Variants in ZNF385C observed in about 807,000 individuals in gnomAD.
The protein encoded by ZNF385C is CTD-2132N18.2.
Under a neutral mutation model 35.4 loss-of-function variants are expected in ZNF385C, and 28 were observed. The observed-to-expected ratio is 0.79, with a 90% CI of 0.59 to 1.08. The LOEUF (loss-of-function observed/expected upper bound fraction) is 1.08, where lower values mean the gene tolerates loss of function less well. ZNF385C is among the 50% of genes least tolerant of loss of function. The pLI is 0.00. For synonymous variants in ZNF385C, 248 were observed against 248.2 expected (o/e 1.00, Z 0.01); for missense variants, 605 against 595.6 (o/e 1.02, Z -0.16).
intron 1 of ZNF385C, among the ~76,000 whole-genome samples, chr17:42,077,337 G>T (rs894405998): frequency 6.6e-6 from 1 of 152,136 alleles, no homozygotes; most frequent in Non-Finnish European, 1.5e-5. Context: ...TATAATATGT[G>T]CCCAACTAAT....
At chr17:42,051,423 G>A (rs990916429) in intron 2 of ZNF385C, among the ~76,000 whole-genome samples, 2 of 152,128 alleles carry the variant, frequency 1.3e-5, no homozygotes, top group Non-Finnish European at 2.9e-5. Flanking sequence ...ATGTGCAGAC[G>A]TGGAGGTGTG....
At chr17:42,037,068 G>A (rs2052871563) in intron 3 of ZNF385C, among the ~76,000 whole-genome samples, 1 of 151,962 alleles carries the variant, frequency 6.6e-6, no homozygotes, top group East Asian at 1.9e-4. Flanking sequence ...AGAAGCTTCA[G>A]GCAGTTACAA....
chr17:42,069,991 G>A (rs2053601291), intron 1 of ZNF385C, among the ~76,000 whole-genome samples: 1 of 152,166 alleles, frequency 6.6e-6, no homozygotes, highest in African/African-American at 2.4e-5. Flanking sequence ...GCAATGAGCC[G>A]AGATTGCACC....
At chr17:42,033,004 A>C (rs1162719202) in intron 4 of ZNF385C, among the ~76,000 whole-genome samples, 1 of 151,916 alleles carries the variant, frequency 6.6e-6, no homozygotes, top group Non-Finnish European at 1.5e-5. Context: ...GATTACAGGC[A>C]TGAGCCACCA....
chr17:42,074,329 T>C (rs1356278436), intron 1 of ZNF385C, among the ~76,000 whole-genome samples: 6 of 152,236 alleles, frequency 3.9e-5, no homozygotes, highest in African/African-American at 1.4e-4. Flanking sequence ...CCACATTAAA[T>C]TGTACATTTT....
At chr17:42,040,280 G>C (rs1255938520) in intron 2 of ZNF385C, 1 of 1,231,530 alleles carries the variant, frequency 8.1e-7, no homozygotes, top group Non-Finnish European at 1.0e-6. Flanking sequence ...TCCAAGCCCC[G>C]GACCGCAGCC....
At position 42,037,878 on chromosome 17, in the gene ZNF385C, C is replaced by T. The variant is rs782262691; in HGVS notation, c.258G>A (p.Pro86=). Residue 86 remains proline, a synonymous_variant, in exon 3 of 9, where the codon CCG becomes CCA. Transcript: ENST00000692273. ...LGKSPSGPAG[P]ASGAPSPLLA... is the part of the protein sequence containing the mutation. ...GCAGGGGGCTGGGGGCGCCGGAGGC[C>T]GGGCCTGCTGCAGGAGGAAGAAGGG... 1.3e-4 allele frequency: 204 copies of T among 1,525,848 alleles called. 4 individuals carry two copies. The highest frequency in any genetic ancestry group is 9.0e-4 in the Admixed American group (44 of 48,922). The allele number at this position is 1,525,848 out of a possible 1,614,324, so 94.5% of individuals were successfully genotyped here.
At chr17:42,049,094 C>T (rs899603048) in intron 2 of ZNF385C, among the ~76,000 whole-genome samples, 3 of 152,184 alleles carry the variant, frequency 2.0e-5, no homozygotes, top group Non-Finnish European at 4.4e-5. Context: ...CCTAGTAACA[C>T]CACCCTTCTC....
chr17:42,058,366 C>T (rs1043722356), intron 2 of ZNF385C, among the ~76,000 whole-genome samples: 4 of 152,240 alleles, frequency 2.6e-5, no homozygotes, highest in Non-Finnish European at 5.9e-5. Context: ...CCCGAGACCT[C>T]GTGTCTCAAT....
At chr17:42,030,219 G>C (rs192206462) in intron 5 of ZNF385C, among the ~76,000 whole-genome samples, 1 of 152,270 alleles carries the variant, frequency 6.6e-6, no homozygotes, top group Non-Finnish European at 1.5e-5. Flanking sequence ...GCCAGGCAGG[G>C]TGGCTCACGC....
At chr17:42,052,729 T>C (rs144554496) in intron 2 of ZNF385C, among the ~76,000 whole-genome samples, 1 of 152,284 alleles carries the variant, frequency 6.6e-6, no homozygotes, top group African/African-American at 2.4e-5. Context: ...CAAAGATAGA[T>C]GCATGTACAC....
At chr17:42,051,783 C>G (rs1285876389) in intron 2 of ZNF385C, among the ~76,000 whole-genome samples, 1 of 152,154 alleles carries the variant, frequency 6.6e-6, no homozygotes, top group African/African-American at 2.4e-5. Flanking sequence ...AGGTCCCAGC[C>G]CCACCAGTGG....
At chr17:42,073,379 A>T (rs2053651536) in intron 1 of ZNF385C, among the ~76,000 whole-genome samples, 1 of 152,072 alleles carries the variant, frequency 6.6e-6, no homozygotes, top group Non-Finnish European at 1.5e-5. Flanking sequence ...GGTTGCAGTG[A>T]GTCAAAACCA....
chr17:42,065,916 G>A (rs114873777), intron 1 of ZNF385C, among the ~76,000 whole-genome samples: 2 of 151,974 alleles, frequency 1.3e-5, no homozygotes, highest in East Asian at 1.9e-4. Context: ...CAGTTCCTTC[G>A]TCTATACCTC....
intron 1 of ZNF385C, among the ~76,000 whole-genome samples, chr17:42,086,352 G>C (rs1013950137): frequency 4.6e-5 from 7 of 150,590 alleles, no homozygotes; most frequent in Admixed American, 2.0e-4. Flanking sequence ...AGATCGCTTC[G>C]GCCTGGGCAA....
chr17:42,031,277 C>G (rs910066455), intron 5 of ZNF385C, among the ~76,000 whole-genome samples: 1 of 152,168 alleles, frequency 6.6e-6, no homozygotes, highest in African/African-American at 2.4e-5. Flanking sequence ...TAAAGCAATC[C>G]TCCCGCCTCA....
chr17:42,073,270 C>T (rs1269532595), intron 1 of ZNF385C, among the ~76,000 whole-genome samples: 3 of 151,958 alleles, frequency 2.0e-5, no homozygotes, highest in African/African-American at 4.8e-5. Context: ...AACCCTGTCT[C>T]TATAAAAGTA....
rs184268317 is a variant in ZNF385C, at chr17:42,058,685, A to C, written c.250+4122T>G. 5.9e-5 allele frequency among the ~76,000 whole-genome samples: 9 copies of C among 152,116 alleles called. No individual in the cohort carries two copies. In the East Asian group the frequency reaches 1.7e-3, roughly 29 times the overall value. ...TTTTTATTTTTATTTTTTGAGATGG[A>C]GTCTCTATCGCCCAGGCTAGAGCGC... On this transcript the variant is annotated intron_variant, in intron 2 of 8. Coordinates refer to ENST00000692273, the MANE Select transcript of ZNF385C (RefSeq NM_001392013.1).
Position 42,028,789 on chromosome 17 carries a change from T to C in ZNF385C, c.961A>G (p.Asn321Asp). The change falls in exon 6 of 9, where the codon AAC (asparagine) becomes GAC (aspartate). Residue 321 changes from asparagine to aspartate, a missense_variant. Transcript: ENST00000692273. ...AGCTCCTGGGACTACTGACCTGTGTTGTGAGCCTGAAGCTGGGAGGCCGAG... is the reference window on the plus strand; with the variant it reads ...AGCTCCTGGGACTACTGACCTGTGTCGTGAGCCTGAAGCTGGGAGGCCGAG... ...VNSASQLQAHNTGAKHRWMME... is the reference protein window; with the variant it reads ...VNSASQLQAHDTGAKHRWMME... The C allele has an allele frequency of 6.5e-7, 1 of 1,549,808 alleles. No homozygotes were observed. Among genetic ancestry groups the C allele is most frequent in the Non-Finnish European group, 8.7e-7 (1 of 1,146,332 alleles).
Sources: gnomAD v4.1 joint callset for allele counts (sites outside exome capture counted in the v4.1 genomes callset) on GRCh38, gnomAD v4.1.1 for gene constraint, MANE v1.5 for transcripts, NCBI Gene and HGNC (gene_info 2026-07-23, HGNC 2026-07-21) for gene names.